Variants in KMT2A observed in about 807,000 individuals in gnomAD.
KMT2A encodes histone-lysine N-methyltransferase 2A.
Under a neutral mutation model 345.3 loss-of-function variants are expected in KMT2A, and 16 were observed. The observed-to-expected ratio is 0.05, with a 90% CI of 0.03 to 0.07. The LOEUF (loss-of-function observed/expected upper bound fraction) is 0.07, where lower values mean the gene tolerates loss of function less well. KMT2A is among the 10% of genes least tolerant of loss of function. The pLI is 1.00. For synonymous variants in KMT2A, 1,599 were observed against 1,778.6 expected, an observed-to-expected ratio of 0.90 and a Z score of 2.54; for missense variants, 3,272 against 4,841.6, an observed-to-expected ratio of 0.68 and a Z score of 9.62.
chr11:118,477,819 T>G, intron 4 of KMT2A, 148 bp from the exon 5 acceptor site: 1 of 612,884 alleles, frequency 1.6e-6, no homozygotes, highest in Admixed American at 3.2e-5. Flanking sequence ...GTTATTGGCA[T>G]TTTTAAACAT....
intron 1 of KMT2A, among the ~76,000 whole-genome samples, chr11:118,455,049 A>G (rs1429110156): frequency 6.6e-6 from 1 of 151,906 alleles, no homozygotes; most frequent in East Asian, 1.9e-4. Flanking sequence ...CTTCTTAGAG[A>G]CAGGGTTTCA....
intron 1 of KMT2A, among the ~76,000 whole-genome samples, chr11:118,443,418 A>G (rs954180599): frequency 1.8e-4 from 28 of 152,238 alleles, no homozygotes; most frequent in Non-Finnish European, 2.6e-4. Flanking sequence ...TTGTCAGGTT[A>G]CACACCAGGG....
Position 118,491,782 on chromosome 11 carries a change from G to A in KMT2A, c.4858G>A (p.Val1620Met). 1 of 1,611,632 alleles carries A rather than the reference G, an allele frequency of 6.2e-7. No individual in the cohort carries two copies. The highest frequency in any genetic ancestry group is 8.5e-7 in the Non-Finnish European group (1 of 1,178,800). ...GATTCTATCTAATCTGCCAGAAAGT[G>A]TGGCCTACACTTGTGTGAACTGTAC... ...YEILSNLPES[V>M]AYTCVNCTER... The change falls in exon 15 of 36, where the codon GTG becomes ATG. Residue 1620 changes from valine to methionine, a missense_variant. Physicochemically the swap from Val to Met is conservative, Grantham distance 21. This residue lies in a region of KMT2A where 120 missense variants were observed against 280.4 expected (regional missense o/e 0.43). Transcript: ENST00000534358. The surrounding 1 kb of genome is among the most constrained non-coding windows in gnomAD (Gnocchi z 4.2).
In KMT2A at chr11:118,510,239, G is replaced by A. The variant is rs1455342917; in HGVS notation, c.11071+121G>A. 4.3e-6 allele frequency: 3 copies of A among 700,344 alleles called. No individual in the cohort carries two copies. Among genetic ancestry groups the A allele is most frequent in the East Asian group, 5.5e-5 (2 of 36,638 alleles). The allele number at this position is 700,344 out of a possible 1,614,324, so 43.4% of individuals were successfully genotyped here. On this transcript the variant is annotated intron_variant, in intron 30 of 35. Transcript: ENST00000534358. This position sits in a 1 kb window ranked among gnomAD's most constrained non-coding sequence, Gnocchi z 4.1. ...ATGCTAGATGGTAGGGGGATACCTG[G>A]AGGCATCATACATTTTCCTTGTCCT...
At chr11:118,439,568 A>G (rs1327346986) in intron 1 of KMT2A, among the ~76,000 whole-genome samples, 1 of 152,346 alleles carries the variant, frequency 6.6e-6, no homozygotes, top group East Asian at 1.9e-4. Context: ...CAGGGGCTAA[A>G]CGTTTTCTTA....
At position 118,523,207 on chromosome 11, in the gene KMT2A, G is replaced by T. The variant is rs782021031; in HGVS notation, c.*1035G>T. The T allele has an allele frequency of 2.2e-5, 5 of 229,304 alleles. No homozygotes were observed. The highest frequency in any genetic ancestry group is 5.7e-5 in the Admixed American group (1 of 17,608). The allele number at this position is 229,304 out of a possible 1,614,324, so 14.2% of individuals were successfully genotyped here. A position where few individuals can be genotyped will look rare whatever the true frequency, so the allele number is the denominator to read the frequency against. On this transcript the variant is annotated 3_prime_UTR_variant, in exon 36 of 36. Transcript: ENST00000534358. Reference sequence around the variant, plus strand: ...GCAACAACGAGAGTATCACAGCCAGGATGACCCTTGGGTCCCATTCCTAAG... The same window carrying T: ...GCAACAACGAGAGTATCACAGCCAGTATGACCCTTGGGTCCCATTCCTAAG...
At chr11:118,465,992 A>T (rs555872890) in intron 1 of KMT2A, among the ~76,000 whole-genome samples, 1 of 152,294 alleles carries the variant, frequency 6.6e-6, no homozygotes, top group South Asian at 2.1e-4. Context: ...TTTGGGGTTC[A>T]GATTCACATG....
chr11:118,447,903 T>A (rs1949455044), intron 1 of KMT2A: 1 of 202,620 alleles, frequency 4.9e-6, no homozygotes, highest in African/African-American at 2.3e-5. Context: ...TGGTTGTCAT[T>A]ACAGTCATGG....
At position 118,436,790 on chromosome 11, in the gene KMT2A, C is replaced by G; in HGVS notation, c.278C>G (p.Ser93Cys). Reference sequence around the variant, plus strand: ...TCCTCGTCGTCCGCCTCGTCTTCGTCTTCGTCATCGTCCTCAGCCTCTTCA... The same window carrying G: ...TCCTCGTCGTCCGCCTCGTCTTCGTGTTCGTCATCGTCCTCAGCCTCTTCA... ...AASSSSASSS[S>C]SSSSSASSGP... is the part of the protein sequence containing the mutation. The change falls in exon 1 of 36, where the codon TCT becomes TGT. Residue 93 changes from serine to cysteine, a missense_variant. Transcript: ENST00000534358. This position sits in a 1 kb window ranked among gnomAD's most constrained non-coding sequence, Gnocchi z 6.9. 6.2e-7 allele frequency: 1 copy of G among 1,606,628 alleles called. No homozygotes were observed. The highest frequency in any genetic ancestry group is 8.5e-7 in the Non-Finnish European group (1 of 1,176,870).
intron 24 of KMT2A, 91 bp downstream of exon 24, chr11:118,500,004 T>C (rs1950475028): frequency 2.5e-6 from 2 of 811,844 alleles, no homozygotes; most frequent in Non-Finnish European, 4.1e-6. Context: ...GCATACCTGT[T>C]AGCTACTTTA....
chr11:118,517,975 C>A (rs1366398028), intron 31 of KMT2A, among the ~76,000 whole-genome samples: 3 of 152,142 alleles, frequency 2.0e-5, no homozygotes, highest in Non-Finnish European at 2.9e-5. Flanking sequence ...TCTGCTATTT[C>A]CTCTGCACCA....
At position 118,493,107 on chromosome 11, in the gene KMT2A, C is replaced by T; in HGVS notation, c.5055C>T (p.Ser1685=). 6.2e-7 allele frequency: 1 copy of T among 1,614,010 alleles called. No individual in the cohort carries two copies. The highest frequency in any genetic ancestry group is 8.5e-7 in the Non-Finnish European group (1 of 1,179,936). Residue 1685 remains serine, a synonymous_variant, in exon 16 of 36, where the codon TCC becomes TCT. Coordinates refer to ENST00000534358, the MANE Select transcript of KMT2A (RefSeq NM_001197104.2). This position sits in a 1 kb window ranked among gnomAD's most constrained non-coding sequence, Gnocchi z 5.8. ...LNPETEESIP[S]RSSPEGPDPP... ...CCGAGACAGAGGAGAGTATACCTTC[C>T]CGCAGCTCCCCCGAAGGACCTGATC...
At chr11:118,470,900 A>G (rs1225990398) in intron 2 of KMT2A, among the ~76,000 whole-genome samples, 2 of 152,222 alleles carry the variant, frequency 1.3e-5, no homozygotes, top group Admixed American at 6.5e-5. Flanking sequence ...AATTCCTTTT[A>G]TTTAGAATAG....
chr11:118,469,567 C>T (rs1226603896), intron 2 of KMT2A, among the ~76,000 whole-genome samples: 1 of 152,140 alleles, frequency 6.6e-6, no homozygotes, highest in Non-Finnish European at 1.5e-5. Context: ...TAAGAGAAGA[C>T]CCTCAATGGA....
Position 118,495,182 on chromosome 11 carries a change from C to G in KMT2A, c.5363+415C>G, listed in dbSNP as rs1380183965. ...TTTATTTATTTTTTTTTTTTTGAGA[C>G]GGAGTCTCGTTCTGTCACCAGGCTG... On this transcript the variant is annotated intron_variant, in intron 18 of 35. Coordinates refer to ENST00000534358, the MANE Select transcript of KMT2A (RefSeq NM_001197104.2). The surrounding 1 kb of genome is among the most constrained non-coding windows in gnomAD (Gnocchi z 4.1). 2.0e-5 allele frequency among the ~76,000 whole-genome samples: 3 copies of G among 148,058 alleles called. No individual in the cohort carries two copies. The highest frequency in any genetic ancestry group is 6.7e-5 in the Admixed American group (1 of 14,856).
chr11:118,503,957 A>G lies in KMT2A; in HGVS notation c.8065A>G (p.Arg2689Gly), dbSNP rs1950541951. The G allele has an allele frequency of 6.2e-7, 1 of 1,614,192 alleles. No individual in the cohort carries two copies. ...CGACTTATACTATTACAACTTCACT[A>G]GAACAGTGATTTCTTCAGGTGGAGA... ...EDDLYYYNFT[R>G]TVISSGGEER... Residue 2689 changes from arginine to glycine, a missense_variant, in exon 27 of 36, where the codon AGA becomes GGA. Arg to Gly is a moderately radical substitution (Grantham distance 125, BLOSUM62 -2). Around this residue, in one of 27 missense-constraint regions of KMT2A, gnomAD observed 47 missense variants for 53.6 expected, o/e 0.88. Transcript: ENST00000534358. This position sits in a 1 kb window ranked among gnomAD's most constrained non-coding sequence, Gnocchi z 5.3.
At position 118,503,426 on chromosome 11, in the gene KMT2A, G is replaced by A. The variant is rs1314636947; in HGVS notation, c.7534G>A (p.Ala2512Thr). Residue 2512 changes from alanine to threonine, a missense_variant, in exon 27 of 36, where the codon GCC becomes ACC. This residue lies in a region of KMT2A where 445 missense variants were observed against 500.9 expected (regional missense o/e 0.89). Coordinates refer to ENST00000534358, the MANE Select transcript of KMT2A (RefSeq NM_001197104.2). This position sits in a 1 kb window ranked among gnomAD's most constrained non-coding sequence, Gnocchi z 5.3. ...TCCACCCATGCAAGTAGAAGGATCTGCCAAGGAATTACAGGCACCACGGAA... is the reference window on the plus strand; with the variant it reads ...TCCACCCATGCAAGTAGAAGGATCTACCAAGGAATTACAGGCACCACGGAA... ...KAPPMQVEGSAKELQAPRKRT... is the reference protein window; with the variant it reads ...KAPPMQVEGSTKELQAPRKRT... 6.2e-7 allele frequency: 1 copy of A among 1,614,088 alleles called. No homozygotes were observed. Among genetic ancestry groups the A allele is most frequent in the Admixed American group, 1.7e-5 (1 of 60,006 alleles).
intron 23 of KMT2A, 129 bp downstream of exon 23, chr11:118,499,549 T>C (rs1950465439): frequency 5.5e-6 from 4 of 725,750 alleles, no homozygotes; most frequent in East Asian, 2.5e-5. Flanking sequence ...TTTGGGAGGC[T>C]GAGGCGGGCA....
In KMT2A at chr11:118,507,542, G is replaced by A. The variant is rs782719601; in HGVS notation, c.10768G>A (p.Glu3590Lys). 6.2e-7 allele frequency: 1 copy of A among 1,614,170 alleles called. No individual in the cohort carries two copies. The stretch of plus-strand genomic sequence containing the variant: ...CCTGTGTTCCAGGACTCCAGGAGCA[G>A]AGGCTGAGCAGCAGGATACAGCTAG... ...LTSGTGTPGA[E>K]AEQQDTASVE... The change falls in exon 28 of 36, where the codon GAG (glutamate) becomes AAG (lysine). Residue 3590 changes from glutamate (E) to lysine (K), a missense_variant. By Grantham distance (56) the Glu-to-Lys change is moderately conservative. Coordinates refer to ENST00000534358, the MANE Select transcript of KMT2A (RefSeq NM_001197104.2).
Sources: allele counts gnomAD v4.1 joint callset (sites outside exome capture counted in the v4.1 genomes callset), GRCh38; gene constraint gnomAD v4.1.1; regional missense constraint gnomAD v4.1.1; non-coding constraint Gnocchi (gnomAD v3.1); transcripts MANE v1.5; gene names NCBI Gene and HGNC (gene_info 2026-07-23, HGNC 2026-07-21).